Variants in VPS13B observed in about 807,000 individuals in gnomAD.
The protein encoded by VPS13B is intermembrane lipid transfer protein VPS13B.
VPS13B carries 285 observed loss-of-function variants against 426.4 expected under a neutral mutation model. That is an observed-to-expected ratio of 0.67 (90% CI 0.61 to 0.74). The LOEUF is 0.74. VPS13B is among the 30% of genes least tolerant of loss of function. VPS13B has a pLI of 0.00. For missense variants in VPS13B, 4,537 were observed against 4,782.6 expected (o/e 0.95, Z 1.51); for synonymous variants, 1,676 against 1,676.4 (o/e 1.00, Z 0.01).
chr8:99,481,759 C>A lies in VPS13B; in HGVS notation c.3827C>A (p.Thr1276Asn). 1 of 1,613,926 alleles carries A rather than the reference C, an allele frequency of 6.2e-7. No homozygotes were observed. Among genetic ancestry groups the A allele is most frequent in the Non-Finnish European group, 8.5e-7 (1 of 1,179,858 alleles). Residue 1276 changes from threonine (T) to asparagine (N), a missense_variant, in exon 25 of 62, where the codon ACC becomes AAC. By Grantham distance (65) the Thr-to-Asn change is moderately conservative (BLOSUM62 0). Coordinates refer to ENST00000357162, the MANE Select transcript of VPS13B (RefSeq NM_152564.5). ...RSSIGTAPPD[T>N]STCSPSADIG... ...AGTATAGGCACAGCTCCTCCAGATACCAGCACATGCAGCCCATCTGCTGAC... is the reference window on the plus strand; with the variant it reads ...AGTATAGGCACAGCTCCTCCAGATAACAGCACATGCAGCCCATCTGCTGAC...
rs189939258 is a variant in VPS13B, at chr8:99,875,727, G to A, written c.*61G>A. The A allele has an allele frequency of 2.9e-3, 4,613 of 1,599,486 alleles. 7 individuals are homozygous for A. The highest frequency in any genetic ancestry group is 3.3e-3 in the Non-Finnish European group (3,860 of 1,168,172). On this transcript the variant is annotated 3_prime_UTR_variant, in exon 62 of 62. Transcript: ENST00000357162. Reference sequence around the variant, plus strand: ...TTAGTTTTTGGGTTTCTTTGAGACAGGGTCTCACTGCATTGCCCTTGCTGA... The same window carrying A: ...TTAGTTTTTGGGTTTCTTTGAGACAAGGTCTCACTGCATTGCCCTTGCTGA...
chr8:99,161,171 G>A (rs761824979), intron 15 of VPS13B, among the ~76,000 whole-genome samples: 1 of 152,030 alleles, frequency 6.6e-6, no homozygotes, highest in African/African-American at 2.4e-5. Flanking sequence ...TTATACTTAA[G>A]CTTTATTTAT....
intron 29 of VPS13B, among the ~76,000 whole-genome samples, chr8:99,519,922 C>T (rs183906874): frequency 1.3e-5 from 2 of 152,142 alleles, no homozygotes; most frequent in East Asian, 1.9e-4. Context: ...GCATGTTGTG[C>T]ACATGTACCC....
intron 39 of VPS13B, among the ~76,000 whole-genome samples, chr8:99,740,819 G>C (rs1318903859): frequency 6.6e-6 from 1 of 152,022 alleles, no homozygotes; most frequent in African/African-American, 2.4e-5. Context: ...AGCTCCTGAA[G>C]GAAGCACTAA....
In VPS13B at chr8:99,151,691, G is replaced by C. The variant is rs149465912; in HGVS notation, c.2013+3681G>C. Among the ~76,000 whole-genome samples, 593 of 152,124 alleles carry C rather than the reference G, an allele frequency of 3.9e-3. 18 individuals carry two copies. In the East Asian group the frequency reaches 0.09, roughly 23 times the overall value. On this transcript the variant is annotated intron_variant, in intron 14 of 61. Coordinates refer to ENST00000357162, the MANE Select transcript of VPS13B (RefSeq NM_152564.5). ...TGGGATTACAAGCATGTGCCACCAT[G>C]CCTGGCTAATTTTGTATTTTTAGTA...
intron 3 of VPS13B, among the ~76,000 whole-genome samples, chr8:99,067,693 T>C (rs970251254): frequency 1.3e-5 from 2 of 152,208 alleles, no homozygotes; most frequent in African/African-American, 4.8e-5. Flanking sequence ...GCAACAAGAA[T>C]CTATAAATAT....
intron 35 of VPS13B, among the ~76,000 whole-genome samples, chr8:99,681,797 A>G (rs1272549680): frequency 6.6e-6 from 1 of 152,216 alleles, no homozygotes; most frequent in Non-Finnish European, 1.5e-5. Flanking sequence ...GTAATCCTTA[A>G]TTACTAAATT....
intron 33 of VPS13B, among the ~76,000 whole-genome samples, chr8:99,631,292 G>T (rs1488431539): frequency 6.6e-6 from 1 of 152,026 alleles, no homozygotes; most frequent in Non-Finnish European, 1.5e-5. Context: ...TTCTCTGATT[G>T]CCAAATGTTT....
At position 99,861,357 on chromosome 8, in the gene VPS13B, A is replaced by C. The variant is rs182693651; in HGVS notation, c.11045-419A>C. On this transcript the variant is annotated intron_variant, in intron 57 of 61. Coordinates refer to ENST00000357162, the MANE Select transcript of VPS13B (RefSeq NM_152564.5). ...CACTCTGCCACTCAGGCTGGAGTGC[A>C]GTGGTGCAATTGCAGCTCACTGCAG... Among the ~76,000 whole-genome samples the C allele has an allele frequency of 1.9e-3, 284 of 152,326 alleles. 1 individual carries two copies. Among genetic ancestry groups the C allele is most frequent in the Non-Finnish European group, 1.4e-3 (94 of 68,028 alleles).
intron 36 of VPS13B, among the ~76,000 whole-genome samples, chr8:99,710,926 A>G (rs1832686941): frequency 6.6e-6 from 1 of 152,020 alleles, no homozygotes; most frequent in Non-Finnish European, 1.5e-5. Context: ...AATTGCTTGA[A>G]CCAGGGAGGT....
At chr8:99,673,060 T>C (rs112176761) in intron 35 of VPS13B, among the ~76,000 whole-genome samples, 1,797 of 152,234 alleles carry the variant, frequency 0.012, 33 homozygotes, top group African/African-American at 0.041. Flanking sequence ...TTTACATCTA[T>C]GTTCATCCTG....
At position 99,870,823 on chromosome 8, in the gene VPS13B, C is replaced by T; in HGVS notation, c.11431C>T (p.Gln3811Ter). ...HGAGLSQLPK[Q>*]RHQPSDLHAD... ...AGCTGGACTTTCTCAGCTTCCCAAA[C>T]AGCGCCATCAGCCAAGTGATCTACA... The change falls in exon 60 of 62, where the codon CAG (glutamine) becomes TAG (stop). Residue 3811 changes from glutamine (Q) to a stop codon, truncating the protein, a stop_gained. Coordinates refer to ENST00000357162, the MANE Select transcript of VPS13B (RefSeq NM_152564.5). LOFTEE classifies it high-confidence loss of function. 1 of 1,614,224 alleles carries T rather than the reference C, an allele frequency of 6.2e-7. No individual in the cohort carries two copies. The highest frequency in any genetic ancestry group is 8.5e-7 in the Non-Finnish European group (1 of 1,180,036).
At chr8:99,379,119 A>G (rs1159610004) in intron 19 of VPS13B, among the ~76,000 whole-genome samples, 1 of 152,164 alleles carries the variant, frequency 6.6e-6, no homozygotes, top group Non-Finnish European at 1.5e-5. Context: ...AGGGATCTAG[A>G]TTGTGCATGC....
rs139474452 is a variant in VPS13B at position 99,633,806 on chromosome 8, G to GGTGTGTGTGTGTGTGTGTGTGTGT, written c.5221-7995_5221-7972dup. ...AGGTCCAAGTTGCCAGAATGTGTCA[G>GGTGTGTGTGTGTGTGTGTGTGTGT]GTGTGTGTGTGTGTGTGTGTGTGTG... On this transcript the variant is annotated intron_variant, in intron 33 of 61. Coordinates refer to ENST00000357162, the MANE Select transcript of VPS13B (RefSeq NM_152564.5). 1.2e-3 allele frequency among the ~76,000 whole-genome samples: 175 copies of GGTGTGTGTGTGTGTGTGTGTGTGT among 143,952 alleles called. 3 individuals carry two copies. The highest frequency in any genetic ancestry group is 4.0e-3 in the African/African-American group (156 of 38,938). 94.4% of individuals were successfully genotyped at this position (143,952 alleles called of 152,430 possible).
chr8:99,547,794 T>C (rs969910157), intron 30 of VPS13B, among the ~76,000 whole-genome samples: 3 of 152,072 alleles, frequency 2.0e-5, no homozygotes, highest in African/African-American at 4.8e-5. Context: ...AACTCCTACA[T>C]TGTAGCCAAT....
At chr8:99,533,911 TCCTCCTC>T (rs1421447632) in intron 30 of VPS13B, among the ~76,000 whole-genome samples, 1 of 152,172 alleles carries the variant, frequency 6.6e-6, no homozygotes, top group African/African-American at 2.4e-5. Flanking sequence ...GTTTCCTCCT[TCCTCCTC>T]CCAACTTTTA....
chr8:99,514,747 G>C (rs1187195457), intron 29 of VPS13B, among the ~76,000 whole-genome samples: 3 of 152,142 alleles, frequency 2.0e-5, no homozygotes, highest in African/African-American at 7.2e-5. Context: ...TATGAACACT[G>C]GCATGGAAGT....
chr8:99,660,494 CAG>C (rs1830180730), intron 34 of VPS13B, among the ~76,000 whole-genome samples: 1 of 151,968 alleles, frequency 6.6e-6, no homozygotes, highest in African/African-American at 2.4e-5. Context: ...CATTAAAACA[CAG>C]AGAGTAAAAC....
intron 3 of VPS13B, among the ~76,000 whole-genome samples, chr8:99,089,350 A>G (rs776464079): frequency 3.3e-5 from 5 of 152,180 alleles, no homozygotes; most frequent in African/African-American, 9.6e-5. Flanking sequence ...CATTTGAGAC[A>G]AGTCTCAATT....
Sources: allele counts gnomAD v4.1 joint callset (sites outside exome capture counted in the v4.1 genomes callset), GRCh38; gene constraint gnomAD v4.1.1; transcripts MANE v1.5; gene names NCBI Gene and HGNC (gene_info 2026-07-23, HGNC 2026-07-21).